Variants in TRIM51 observed in about 807,000 individuals in gnomAD.
TRIM51 encodes tripartite motif-containing protein 51.
TRIM51 carries 23 observed loss-of-function variants against 32.7 expected under a neutral mutation model. The ratio of observed to expected loss-of-function variants is 0.70; its 90% CI spans 0.51 to 1.00. The LOEUF (loss-of-function observed/expected upper bound fraction) is 1.00, where lower values mean the gene tolerates loss of function less well. Among genes scored for constraint, TRIM51 ranks in the 50% least tolerant of loss-of-function variants. The pLI, the probability that TRIM51 is intolerant of heterozygous loss-of-function variation, is 0.00. For synonymous variants in TRIM51, 177 were observed against 181.9 expected, an observed-to-expected ratio of 0.97 and a Z score of 0.22; for missense variants, 592 against 539.2, an observed-to-expected ratio of 1.10 and a Z score of -0.97.
At position 55,891,253 on chromosome 11, in the gene TRIM51, G is replaced by T; in HGVS notation, c.980G>T (p.Cys327Phe). Reference protein sequence around the residue: ...DDPDITGKSECFLVWGAQAFT... With the variant: ...DDPDITGKSEFFLVWGAQAFT... The stretch of plus-strand genomic sequence containing the variant: ...CCCGATATCACTGGAAAATCTGAAT[G>T]TTTTCTTGTATGGGGGGCTCAGGCT... The change falls in exon 7 of 7, where the codon TGT becomes TTT. Residue 327 changes from cysteine (C) to phenylalanine (F), a missense_variant. Physicochemically the swap from Cys to Phe is radical, Grantham distance 205. Transcript: ENST00000449290. 1 of 1,608,210 alleles carries T rather than the reference G, an allele frequency of 6.2e-7. No individual in the cohort carries two copies.
intron 1 of TRIM51, among the ~76,000 whole-genome samples, chr11:55,884,146 C>A (rs748589284): frequency 8.5e-5 from 3 of 35,386 alleles, no homozygotes; most frequent in African/African-American, 2.7e-4. Context: ...AGGATGTGTA[C>A]ATAACTATAA....
intron 1 of TRIM51, among the ~76,000 whole-genome samples, chr11:55,884,788 C>T (rs1854553526): frequency 6.6e-6 from 1 of 151,996 alleles, no homozygotes; most frequent in African/African-American, 2.4e-5. Flanking sequence ...GACTATATGT[C>T]AGTTCATAGT....
In TRIM51 at chr11:55,888,098, G is replaced by A. The variant is rs1364427879; in HGVS notation, c.574G>A (p.Glu192Lys). The A allele has an allele frequency of 6.2e-7, 1 of 1,613,652 alleles. No homozygotes were observed. The highest frequency in any genetic ancestry group is 2.2e-5 in the East Asian group (1 of 44,878). Residue 192 changes from glutamate to lysine, a missense_variant, in exon 4 of 7, where the codon GAA becomes AAA. By Grantham distance (56) the Glu-to-Lys change is moderately conservative (BLOSUM62 1). Coordinates refer to ENST00000449290, the MANE Select transcript of TRIM51 (RefSeq NM_032681.4). ...TCAGAAGATGCCTGCATTTCTCCAT[G>A]AAGAAGAGCAACATCACTTGGAAAG... The part of the protein sequence containing the change: ...EYQKMPAFLH[E>K]EEQHHLERLR...
At position 55,884,157 on chromosome 11, in the gene TRIM51, C is replaced by CTATATATATATATATATATATATATATA. The variant is rs143840865; in HGVS notation, c.-5+799_-5+800insTATATATATATATATATATATATATATA. 1.9e-3 allele frequency among the ~76,000 whole-genome samples: 116 copies of CTATATATATATATATATATATATATATA among 61,406 alleles called. 4 individuals carry two copies. The highest frequency in any genetic ancestry group is 2.9e-3 in the Admixed American group (14 of 4,834). The allele number at this position is 61,406 out of a possible 152,430, so 40.3% of individuals were successfully genotyped here. Reference sequence around the variant, plus strand: ...CCATAGGATGTGTACATAACTATAACTATATATATATATATATATATATAT... The same window carrying CTATATATATATATATATATATATATATA: ...CCATAGGATGTGTACATAACTATAACTATATATATATATATATATATATATATATATATATATATATATATATATATAT... On this transcript the variant is annotated intron_variant, in intron 1 of 6. Coordinates refer to ENST00000449290, the MANE Select transcript of TRIM51 (RefSeq NM_032681.4).
At chr11:55,889,351 G>A (rs1854619553) in intron 5 of TRIM51, among the ~76,000 whole-genome samples, 2 of 152,030 alleles carry the variant, frequency 1.3e-5, no homozygotes, top group African/African-American at 4.8e-5. Context: ...TTTCTACATG[G>A]CTACAAAGTC....
intron 6 of TRIM51, 23 bp from the exon 7 acceptor site, chr11:55,891,110 T>C: frequency 6.4e-7 from 1 of 1,566,980 alleles, no homozygotes; most frequent in Non-Finnish European, 8.6e-7. Flanking sequence ...TGTATCTATA[T>C]TTTTTAAAAA....
intron 3 of TRIM51, 62 bp from the exon 4 acceptor site, chr11:55,887,970 A>G: frequency 8.4e-7 from 1 of 1,185,820 alleles, no homozygotes; most frequent in Non-Finnish European, 1.3e-6. Flanking sequence ...TGCTAAGAGG[A>G]ATCAGTGAAA....
chr11:55,891,718 A>G lies in TRIM51; in HGVS notation c.*86A>G, dbSNP rs1190122091. The stretch of plus-strand genomic sequence containing the variant: ...TCTTTTTCGCACCTCATCAAACAGA[A>G]CAAATAAGTTATATTTAATGTCTTT... On this transcript the variant is annotated 3_prime_UTR_variant, in exon 7 of 7. Coordinates refer to ENST00000449290, the MANE Select transcript of TRIM51 (RefSeq NM_032681.4). The G allele has an allele frequency of 1.1e-5, 16 of 1,448,766 alleles. No homozygotes were observed. The highest frequency in any genetic ancestry group is 1.5e-5 in the Non-Finnish European group (16 of 1,060,516). 89.7% of individuals were successfully genotyped at this position (1,448,766 alleles called of 1,614,324 possible). A position where few individuals can be genotyped will look rare whatever the true frequency, so the allele number is the denominator to read the frequency against.
chr11:55,885,264 C>T (rs1488929554), intron 1 of TRIM51, among the ~76,000 whole-genome samples, 161 bp from the exon 2 acceptor site: 1 of 152,136 alleles, frequency 6.6e-6, no homozygotes, highest in African/African-American at 2.4e-5. Flanking sequence ...CCTAAAGACT[C>T]TCTTTGTGTT....
chr11:55,889,378 A>G (rs990144823), intron 5 of TRIM51, among the ~76,000 whole-genome samples: 6 of 152,306 alleles, frequency 3.9e-5, no homozygotes, highest in African/African-American at 1.4e-4. Flanking sequence ...GGGAAGCCAG[A>G]GAGAAAAGGG....
At chr11:55,890,192 T>TAAA (rs1374869159) in intron 6 of TRIM51, among the ~76,000 whole-genome samples, 153 bp downstream of exon 6, 1 of 152,178 alleles carries the variant, frequency 6.6e-6, no homozygotes, top group Non-Finnish European at 1.5e-5. Context: ...TGTTTCTATT[T>TAAA]ATAGTCCAAA....
chr11:55,884,319 T>C (rs1179029964), intron 1 of TRIM51, among the ~76,000 whole-genome samples: 1 of 151,182 alleles, frequency 6.6e-6, no homozygotes, highest in Non-Finnish European at 1.5e-5. Context: ...GTTCAAACAA[T>C]AACGAGACTG....
Position 55,888,109 on chromosome 11 carries a change from A to G in TRIM51, c.585A>G (p.Gln195=), listed in dbSNP as rs1247655657. 12 of 1,613,600 alleles carry G rather than the reference A, an allele frequency of 7.4e-6. No individual in the cohort carries two copies. Among genetic ancestry groups the G allele is most frequent in the East Asian group, 2.2e-5 (1 of 44,880 alleles). ...KMPAFLHEEE[Q]HHLERLRKEG... ...CTGCATTTCTCCATGAAGAAGAGCAACATCACTTGGAAAGGCTGCGAAAGG... is the reference window on the plus strand; with the variant it reads ...CTGCATTTCTCCATGAAGAAGAGCAGCATCACTTGGAAAGGCTGCGAAAGG... The change falls in exon 4 of 7, where the codon CAA becomes CAG. Residue 195 remains glutamine (Q), a synonymous_variant. Transcript: ENST00000449290.
chr11:55,891,722 A>G lies in TRIM51; in HGVS notation c.*90A>G. The G allele has an allele frequency of 7.0e-7, 1 of 1,424,718 alleles. No homozygotes were observed. Among genetic ancestry groups the G allele is most frequent in the Non-Finnish European group, 9.6e-7 (1 of 1,041,418 alleles). 88.3% of individuals were successfully genotyped at this position (1,424,718 alleles called of 1,614,324 possible). Reference sequence around the variant, plus strand: ...TTTCGCACCTCATCAAACAGAACAAATAAGTTATATTTAATGTCTTTAGTT... The same window carrying G: ...TTTCGCACCTCATCAAACAGAACAAGTAAGTTATATTTAATGTCTTTAGTT... On this transcript the variant is annotated 3_prime_UTR_variant, in exon 7 of 7. Transcript: ENST00000449290.
Position 55,891,731 on chromosome 11 carries a change from A to G in TRIM51, c.*99A>G. 7.4e-7 allele frequency: 1 copy of G among 1,354,270 alleles called. No homozygotes were observed. The highest frequency in any genetic ancestry group is 1.0e-6 in the Non-Finnish European group (1 of 984,204). The allele number at this position is 1,354,270 out of a possible 1,614,324, so 83.9% of individuals were successfully genotyped here. ...TCATCAAACAGAACAAATAAGTTAT[A>G]TTTAATGTCTTTAGTTGCATTCTAA... On this transcript the variant is annotated 3_prime_UTR_variant, in exon 7 of 7. Coordinates refer to ENST00000449290, the MANE Select transcript of TRIM51 (RefSeq NM_032681.4).
intron 4 of TRIM51, 34 bp from the exon 5 acceptor site, chr11:55,888,945 A>C (rs552342780): frequency 6.2e-7 from 1 of 1,603,948 alleles, no homozygotes; most frequent in East Asian, 2.2e-5. Flanking sequence ...TCTTGTGGAA[A>C]GCGCTAAGCC....
intron 6 of TRIM51, among the ~76,000 whole-genome samples, chr11:55,890,324 C>G (rs543750903): frequency 6.6e-6 from 1 of 152,158 alleles, no homozygotes; most frequent in South Asian, 2.1e-4. Context: ...TGGAAAAATG[C>G]TCAGAAGGAA....
At chr11:55,884,721 T>C (rs1196552459) in intron 1 of TRIM51, among the ~76,000 whole-genome samples, 3 of 152,100 alleles carry the variant, frequency 2.0e-5, no homozygotes, top group Non-Finnish European at 4.4e-5. Flanking sequence ...TCAACACCTA[T>C]AATTAACCAT....
chr11:55,885,068 T>C (rs961839736), intron 1 of TRIM51, among the ~76,000 whole-genome samples: 2 of 152,144 alleles, frequency 1.3e-5, no homozygotes, highest in African/African-American at 4.8e-5. Flanking sequence ...CCCATAGTCA[T>C]TCAGTTGTTA....
Sources: gnomAD v4.1 joint callset for allele counts (sites outside exome capture counted in the v4.1 genomes callset) on GRCh38, gnomAD v4.1.1 for gene constraint, MANE v1.5 for transcripts, NCBI Gene and HGNC (gene_info 2026-07-23, HGNC 2026-07-21) for gene names.